Variants in CDKL3 observed in about 807,000 individuals in gnomAD.
The protein encoded by CDKL3 is cyclin dependent kinase like 3.
A neutral mutation model predicts 69.3 loss-of-function variants in CDKL3; 65 were observed. The ratio of observed to expected loss-of-function variants is 0.94; its 90% CI spans 0.77 to 1.15. CDKL3 has a LOEUF of 1.15. Ranked by LOEUF, CDKL3 falls within the 50% of genes most tolerant of loss-of-function variation. The pLI, the probability that CDKL3 is intolerant of heterozygous loss-of-function variation, is 0.00. For missense variants in CDKL3, 652 were observed against 689.2 expected, an observed-to-expected ratio of 0.95 and a Z score of 0.61; for synonymous variants, 202 against 221.6, an observed-to-expected ratio of 0.91 and a Z score of 0.79.
rs1278382243 is a variant in CDKL3 at position 134,316,580 on chromosome 5, G to A, written c.792+2778C>T. Among the ~76,000 whole-genome samples, 4 of 149,142 alleles carry A rather than the reference G, an allele frequency of 2.7e-5. No homozygotes were observed. The East Asian group carries it at 7.7e-4, about 29-fold the overall frequency. ...CCACTGCACTGCAGCCTGGGTGACA[G>A]AGCGAGACTCCATCTCAAAAAAAAA... On this transcript the variant is annotated intron_variant, in intron 6 of 12. Coordinates refer to ENST00000265334, the MANE Select transcript of CDKL3 (RefSeq NM_001113575.2).
At chr5:134,371,519 CG>C (rs1758407823), upstream of CDKL3, 5 of 1,511,828 alleles carry the variant, frequency 3.3e-6, no homozygotes, top group East Asian at 2.5e-5. Flanking sequence ...CACAGTGATT[CG>C]GCCGCCGCGC....
intron 12 of CDKL3, chr5:134,299,799 T>C: frequency 1.6e-6 from 2 of 1,233,174 alleles, no homozygotes; most frequent in Non-Finnish European, 2.3e-6. Flanking sequence ...TGGTGAGTCT[T>C]TGGCTAAGGA....
chr5:134,365,799 T>C (rs761192013), intron 2 of CDKL3, among the ~76,000 whole-genome samples: 32 of 152,226 alleles, frequency 2.1e-4, no homozygotes, highest in Non-Finnish European at 4.0e-4. Flanking sequence ...CTTTATCCTT[T>C]GTCCTTCTTT....
chr5:134,370,238 G>A (rs148884806), upstream of CDKL3, among the ~76,000 whole-genome samples: 226 of 152,296 alleles, frequency 1.5e-3, no homozygotes, highest in African/African-American at 5.2e-3. Context: ...AGTACTCAGA[G>A]TCCTTAGTAT....
At chr5:134,284,389 A>G (rs1334952553), downstream of CDKL3, among the ~76,000 whole-genome samples, 2 of 152,202 alleles carry the variant, frequency 1.3e-5, no homozygotes, top group Non-Finnish European at 1.5e-5. Context: ...AGTAAGTCAC[A>G]AAGATCACAT....
intron 4 of CDKL3, among the ~76,000 whole-genome samples, chr5:134,348,060 T>C (rs1291397278): frequency 6.6e-6 from 1 of 152,150 alleles, no homozygotes; most frequent in Non-Finnish European, 1.5e-5. Flanking sequence ...TTAAACTAAA[T>C]GGAGGCACAT....
intron 12 of CDKL3, chr5:134,299,717 T>A: frequency 6.5e-7 from 1 of 1,534,708 alleles, no homozygotes; most frequent in Middle Eastern, 1.7e-4. Context: ...TCTGGCAAGT[T>A]CTTCTTCCTT....
chr5:134,336,973 C>T (rs755176147), intron 4 of CDKL3, among the ~76,000 whole-genome samples: 13 of 152,210 alleles, frequency 8.5e-5, no homozygotes, highest in African/African-American at 3.1e-4. Flanking sequence ...TGCTGAGCTG[C>T]GATGAGCTCT....
intron 4 of CDKL3, among the ~76,000 whole-genome samples, chr5:134,324,450 C>T (rs1273107888): frequency 6.6e-6 from 1 of 152,156 alleles, no homozygotes; most frequent in Non-Finnish European, 1.5e-5. Flanking sequence ...TAAAGATGTC[C>T]TTCAATAGGT....
chr5:134,309,528 G>T (rs1373398685), intron 7 of CDKL3, among the ~76,000 whole-genome samples: 4 of 152,100 alleles, frequency 2.6e-5, no homozygotes, highest in Non-Finnish European at 5.9e-5. Context: ...AGTTATTTTT[G>T]ATTAGAAAGT....
intron 3 of CDKL3, among the ~76,000 whole-genome samples, chr5:134,351,857 T>C (rs1220809569): frequency 6.6e-6 from 1 of 152,224 alleles, no homozygotes; most frequent in African/African-American, 2.4e-5. Flanking sequence ...GTAAAATTAG[T>C]TAAATCAAGC....
chr5:134,357,839 T>A (rs192342232), intron 3 of CDKL3, among the ~76,000 whole-genome samples: 2 of 152,312 alleles, frequency 1.3e-5, no homozygotes, highest in East Asian at 3.9e-4. Flanking sequence ...CTGATCTCTC[T>A]GGGTCTCTAT....
Position 134,298,612 on chromosome 5 carries a change from G to T in CDKL3, c.*39C>A. 6.2e-7 allele frequency: 1 copy of T among 1,601,104 alleles called. No homozygotes were observed. The highest frequency in any genetic ancestry group is 1.1e-5 in the South Asian group (1 of 87,668). On this transcript the variant is annotated 3_prime_UTR_variant, in exon 13 of 13. Transcript: ENST00000265334. Reference sequence around the variant, plus strand: ...GTAGATAAATAAAACGGGAAGAGTTGTCATCTTGTATTTTTTGGACTATGT... The same window carrying T: ...GTAGATAAATAAAACGGGAAGAGTTTTCATCTTGTATTTTTTGGACTATGT...
At chr5:134,311,376 G>A (rs1769444807) in intron 7 of CDKL3, among the ~76,000 whole-genome samples, 1 of 152,160 alleles carries the variant, frequency 6.6e-6, no homozygotes, top group Non-Finnish European at 1.5e-5. Flanking sequence ...GTGGTGGCAT[G>A]TGCCTCTAAT....
chr5:134,351,319 G>C (rs1046136200), intron 3 of CDKL3, among the ~76,000 whole-genome samples: 1 of 152,056 alleles, frequency 6.6e-6, no homozygotes, highest in Non-Finnish European at 1.5e-5. Context: ...TTTGTGGGGT[G>C]GGGGAGCCAC....
At chr5:134,368,706 G>A (rs1214756923), upstream of CDKL3, among the ~76,000 whole-genome samples, 1 of 150,498 alleles carries the variant, frequency 6.6e-6, no homozygotes, top group South Asian at 2.1e-4. Context: ...AAATCTTATA[G>A]TGGGCTCAAA....
At chr5:134,325,266 T>G (rs1458611989) in intron 4 of CDKL3, among the ~76,000 whole-genome samples, 1 of 152,164 alleles carries the variant, frequency 6.6e-6, no homozygotes, top group Non-Finnish European at 1.5e-5. Context: ...AGGAAGGAGA[T>G]GGAGAAGTAT....
chr5:134,305,507 A>G (rs1767572408), intron 10 of CDKL3, among the ~76,000 whole-genome samples: 1 of 152,204 alleles, frequency 6.6e-6, no homozygotes, highest in South Asian at 2.1e-4. Flanking sequence ...TAACTTCTTT[A>G]TCTACCTAGA....
At chr5:134,337,639 G>T (rs752861462) in intron 4 of CDKL3, among the ~76,000 whole-genome samples, 4 of 152,096 alleles carry the variant, frequency 2.6e-5, no homozygotes, top group African/African-American at 9.7e-5. Context: ...CTTGAGCCCA[G>T]GAATTTGAGG....
Sources: gnomAD v4.1 joint callset for allele counts (sites outside exome capture counted in the v4.1 genomes callset) on GRCh38, gnomAD v4.1.1 for gene constraint, MANE v1.5 for transcripts, NCBI Gene and HGNC (gene_info 2026-07-23, HGNC 2026-07-21) for gene names.